IL1RAPL1: variants seen among roughly 807,000 people sequenced by gnomAD.
IL1RAPL1 encodes the protein interleukin-1 receptor accessory protein-like 1.
In IL1RAPL1, 3 loss-of-function variants were observed where a neutral mutation model predicts 48.4. The ratio of observed to expected loss-of-function variants is 0.06; its 90% CI spans 0.03 to 0.16. The LOEUF is 0.16. Ranked by LOEUF, IL1RAPL1 falls within the 10% of genes least tolerant of loss-of-function variation. The pLI is 1.00. For synonymous variants in IL1RAPL1, 185 were observed against 187.7 expected (o/e 0.99, Z 0.12); for missense variants, 349 against 530.6 (o/e 0.66, Z 3.36).
At chrX:28,633,804 T>C (rs760544957) in intron 1 of IL1RAPL1, among the ~76,000 whole-genome samples, 5 of 112,106 alleles carry the variant, frequency 4.5e-5, no homozygotes, top group Non-Finnish European at 7.5e-5. Flanking sequence ...AACAGACCAT[T>C]CATTTACTCT....
chrX:29,647,651 A>C (rs901873106), intron 5 of IL1RAPL1, among the ~76,000 whole-genome samples: 7 of 111,817 alleles, frequency 6.3e-5, no homozygotes, highest in African/African-American at 2.3e-4. Context: ...TATAATAGAT[A>C]CACTAAATGT....
At chrX:28,830,108 A>C (rs1374951478) in intron 2 of IL1RAPL1, among the ~76,000 whole-genome samples, 1 of 111,313 alleles carries the variant, frequency 9.0e-6, no homozygotes, top group Non-Finnish European at 1.9e-5. Context: ...TACTTCTTGA[A>C]TTGTCTCTGT....
At chrX:29,764,399 C>T (rs981050853) in intron 6 of IL1RAPL1, among the ~76,000 whole-genome samples, 23 of 112,057 alleles carry the variant, frequency 2.1e-4, no homozygotes, top group African/African-American at 7.5e-4. Flanking sequence ...TTTACTGGCT[C>T]TCATTTGCCT....
intron 6 of IL1RAPL1, among the ~76,000 whole-genome samples, chrX:29,915,377 G>T (rs1358293678): frequency 1.8e-5 from 2 of 111,178 alleles, no homozygotes; most frequent in African/African-American, 3.3e-5. Flanking sequence ...AATAGAGAAG[G>T]CTATATCATG....
chrX:29,690,407 T>C (rs1260481231), intron 6 of IL1RAPL1, among the ~76,000 whole-genome samples: 1 of 111,892 alleles, frequency 8.9e-6, no homozygotes, highest in Non-Finnish European at 1.9e-5. Context: ...TCATTTGATC[T>C]CAGTATTATT....
intron 3 of IL1RAPL1, among the ~76,000 whole-genome samples, chrX:29,322,532 T>A (rs761727819): frequency 9.8e-5 from 11 of 112,474 alleles, no homozygotes; most frequent in Non-Finnish European, 1.9e-4. Context: ...CCCAAAGTGC[T>A]GGGATTACAG....
chrX:29,643,540 A>G (rs747754954), intron 5 of IL1RAPL1, among the ~76,000 whole-genome samples: 1 of 112,399 alleles, frequency 8.9e-6, no homozygotes, highest in African/African-American at 3.2e-5. Context: ...AGGAAAAGCA[A>G]GTTAGATAAC....
intron 2 of IL1RAPL1, among the ~76,000 whole-genome samples, chrX:28,835,620 CT>C (rs1346209483): frequency 1.8e-5 from 2 of 111,283 alleles, no homozygotes; most frequent in Non-Finnish European, 3.8e-5. Flanking sequence ...CTAAACATTG[CT>C]TATTCCAGAA....
intron 2 of IL1RAPL1, among the ~76,000 whole-genome samples, chrX:29,216,407 C>T (rs7889623): frequency 0.061 from 6,783 of 110,420 alleles, 536 homozygotes; most frequent in African/African-American, 0.21. Context: ...GTTGCCTAGG[C>T]TGGTCTCAAA....
At chrX:29,873,309 A>T (rs1205639734) in intron 6 of IL1RAPL1, among the ~76,000 whole-genome samples, 3 of 111,353 alleles carry the variant, frequency 2.7e-5, no homozygotes, top group Non-Finnish European at 5.7e-5. Flanking sequence ...GTGTGGTTCA[A>T]CTTGGTCTTC....
intron 6 of IL1RAPL1, among the ~76,000 whole-genome samples, chrX:29,867,853 A>G (rs1442669499): frequency 8.9e-6 from 1 of 112,151 alleles, no homozygotes; most frequent in African/African-American, 3.2e-5. Flanking sequence ...AGAATCATTC[A>G]TACAATTCTA....
chrX:28,989,692 C>A (rs892829100), intron 2 of IL1RAPL1, among the ~76,000 whole-genome samples: 1 of 112,176 alleles, frequency 8.9e-6, no homozygotes, highest in Non-Finnish European at 1.9e-5. Flanking sequence ...ACTAACATCA[C>A]TTCTTTCTTA....
At chrX:29,189,246 G>A (rs963149207) in intron 2 of IL1RAPL1, among the ~76,000 whole-genome samples, 1 of 112,051 alleles carries the variant, frequency 8.9e-6, no homozygotes, top group Non-Finnish European at 1.9e-5. Context: ...TCACACTTAA[G>A]TGTTATAAGC....
At chrX:29,006,647 A>ATGTATG (rs1925988577) in intron 2 of IL1RAPL1, among the ~76,000 whole-genome samples, 1 of 76,935 alleles carries the variant, frequency 1.3e-5, no homozygotes, top group Non-Finnish European at 2.4e-5. Flanking sequence ...GTTTATATAT[A>ATGTATG]TGTGTGTGTG....
intron 5 of IL1RAPL1, among the ~76,000 whole-genome samples, chrX:29,525,767 A>C (rs1935546679): frequency 8.9e-6 from 1 of 111,750 alleles, no homozygotes; most frequent in Non-Finnish European, 1.9e-5. Flanking sequence ...TATAGGCAAA[A>C]GAGATGGAGG....
chrX:28,766,639 CTTTCT>C (rs1936243114), intron 1 of IL1RAPL1, among the ~76,000 whole-genome samples: 1 of 110,539 alleles, frequency 9.0e-6, no homozygotes, highest in African/African-American at 3.3e-5. Context: ...CTTATTCATT[CTTTCT>C]ATTTTTTTGT....
At chrX:29,399,595 C>T (rs369211822) in intron 5 of IL1RAPL1, among the ~76,000 whole-genome samples, 34 of 110,885 alleles carry the variant, frequency 3.1e-4, no homozygotes, top group East Asian at 2.3e-3. Flanking sequence ...CCAAGGTGGG[C>T]GAATCACGAG....
At chrX:28,659,626 C>G (rs1478963730) in intron 1 of IL1RAPL1, among the ~76,000 whole-genome samples, 4 of 111,369 alleles carry the variant, frequency 3.6e-5, no homozygotes, top group African/African-American at 1.3e-4. Flanking sequence ...CACAATTGCT[C>G]CAATTAGTTG....
intron 6 of IL1RAPL1, among the ~76,000 whole-genome samples, chrX:29,833,182 A>C (rs1930920749): frequency 8.9e-6 from 1 of 111,964 alleles, no homozygotes; most frequent in African/African-American, 3.2e-5. Flanking sequence ...GTACCTTATG[A>C]ATAAAATAAT....
Sources: allele counts gnomAD v4.1 joint callset (sites outside exome capture counted in the v4.1 genomes callset), GRCh38; gene constraint gnomAD v4.1.1; transcripts MANE v1.5; gene names NCBI Gene and HGNC (gene_info 2026-07-23, HGNC 2026-07-21).